METTL6: variants seen among roughly 807,000 people sequenced by gnomAD.
METTL6 encodes the protein tRNA N(3)-cytidine methyltransferase METTL6.
In METTL6, 22 loss-of-function variants were observed where a neutral mutation model predicts 26.4. The ratio of observed to expected loss-of-function variants is 0.83; its 90% CI spans 0.59 to 1.19. METTL6 has a LOEUF of 1.19. METTL6 is among the 50% of genes most tolerant of loss of function. METTL6 has a pLI of 0.00. For missense variants in METTL6, 304 were observed against 324.8 expected (o/e 0.94, Z 0.49); for synonymous variants, 109 against 116.2 (o/e 0.94, Z 0.40).
chr3:15,415,573 C>T, intron 4 of METTL6, 199 bp downstream of exon 4: 1 of 1,603,578 alleles, frequency 6.2e-7, no homozygotes, highest in Non-Finnish European at 8.5e-7. Flanking sequence ...CTCTGAAGAG[C>T]AGCCATGGCA....
At chr3:15,390,342 C>T (rs192254329) in intron 6 of METTL6, among the ~76,000 whole-genome samples, 109 of 152,142 alleles carry the variant, frequency 7.2e-4, no homozygotes, top group Non-Finnish European at 1.0e-3. Flanking sequence ...GCAGGAGAAT[C>T]GCTTGAACCT....
chr3:15,423,323 G>A (rs1442193553), intron 3 of METTL6, among the ~76,000 whole-genome samples: 1 of 152,180 alleles, frequency 6.6e-6, no homozygotes, highest in Non-Finnish European at 1.5e-5. Flanking sequence ...AACCCAGGAG[G>A]TGGAGGTTGC....
chr3:15,409,125 C>G (rs916397654), downstream of METTL6, among the ~76,000 whole-genome samples: 4 of 152,178 alleles, frequency 2.6e-5, no homozygotes, highest in African/African-American at 9.7e-5. Flanking sequence ...TCACAACACC[C>G]AGCACGCACA....
At chr3:15,409,688 C>G (rs186705611), downstream of METTL6, among the ~76,000 whole-genome samples, 8 of 152,168 alleles carry the variant, frequency 5.3e-5, no homozygotes, top group South Asian at 1.0e-3. Context: ...TCTCTCCCCC[C>G]CAGGGCAAAC....
At chr3:15,414,354 C>CT in intron 4 of METTL6, 192 bp from the exon 5 acceptor site, 1 of 1,293,842 alleles carries the variant, frequency 7.7e-7, no homozygotes, top group Non-Finnish European at 9.7e-7. Context: ...CACTAAGACA[C>CT]TTCTTTTTTT....
At chr3:15,416,962 A>G (rs1700232935) in intron 3 of METTL6, among the ~76,000 whole-genome samples, 1 of 152,254 alleles carries the variant, frequency 6.6e-6, no homozygotes, top group Admixed American at 6.5e-5. Context: ...GGGTGAATCT[A>G]ATTCATCATA....
At chr3:15,396,121 T>G (rs1428677029) in intron 6 of METTL6, among the ~76,000 whole-genome samples, 1 of 152,242 alleles carries the variant, frequency 6.6e-6, no homozygotes, top group African/African-American at 2.4e-5. Flanking sequence ...CCCCGTCACT[T>G]GCAGGTACAC....
chr3:15,408,312 G>A (rs1699856230), downstream of METTL6, among the ~76,000 whole-genome samples: 1 of 152,066 alleles, frequency 6.6e-6, no homozygotes, highest in African/African-American at 2.4e-5. Context: ...AAATACTTAT[G>A]ATTTGTGCAC....
At chr3:15,382,163 T>C (rs1352282649) in exon 7 of METTL6, 1 of 151,566 alleles carries the variant, frequency 6.6e-6, no homozygotes, top group Non-Finnish European at 1.5e-5. Context: ...TTATACTCCC[T>C]CTCACCCTCC....
intron 6 of METTL6, chr3:15,384,305 A>C (rs781641619): frequency 8.8e-6 from 2 of 225,998 alleles, no homozygotes; most frequent in Non-Finnish European, 9.1e-6. Context: ...GCAGCTTTTA[A>C]GCTCCGCATT....
chr3:15,426,217 G>C (rs551616481), intron 2 of METTL6, 70 bp downstream of exon 2: 4 of 1,467,970 alleles, frequency 2.7e-6, no homozygotes, highest in Middle Eastern at 2.2e-4. Context: ...GGGATTACAG[G>C]CATGAGCCAT....
At chr3:15,386,818 A>T (rs1170028841) in intron 6 of METTL6, among the ~76,000 whole-genome samples, 3 of 150,928 alleles carry the variant, frequency 2.0e-5, no homozygotes, top group African/African-American at 7.3e-5. Flanking sequence ...TTTGAGACAG[A>T]GTTTCACTCT....
In METTL6 at chr3:15,410,635, G is replaced by A. The variant is rs146906455; in HGVS notation, c.*621C>T. Among the ~76,000 whole-genome samples the A allele has an allele frequency of 7.4e-4, 113 of 152,192 alleles. No individual in the cohort carries two copies. The highest frequency in any genetic ancestry group is 2.3e-3 in the South Asian group (11 of 4,830). ...AATATCTTAAGAAAAGTAACTGACT[G>A]CAGTTGAAAACAGGTAATTGAAATT... is the stretch of plus-strand genomic sequence containing the variant. On this transcript the variant is annotated 3_prime_UTR_variant, in exon 6 of 6. Transcript: ENST00000383790.
At chr3:15,382,648 G>C (rs1164071684) in exon 7 of METTL6, 2 of 136,020 alleles carry the variant, frequency 1.5e-5, no homozygotes, top group Non-Finnish European at 3.1e-5. Context: ...CCTGGCAACA[G>C]AGGGAGACTT....
At chr3:15,408,291 G>A (rs1455792251), downstream of METTL6, among the ~76,000 whole-genome samples, 2 of 152,166 alleles carry the variant, frequency 1.3e-5, no homozygotes, top group Non-Finnish European at 2.9e-5. Flanking sequence ...ACTCTGTGAT[G>A]TCAGTGAGCT....
At chr3:15,415,554 C>G (rs1700166304) in intron 4 of METTL6, 2 of 1,600,266 alleles carry the variant, frequency 1.2e-6, no homozygotes, top group Non-Finnish European at 1.7e-6. Context: ...TGTCCCAGGG[C>G]TGGCGAAGCT....
At chr3:15,389,870 T>TTA (rs1553625003) in intron 6 of METTL6, among the ~76,000 whole-genome samples, 2 of 148,182 alleles carry the variant, frequency 1.3e-5, no homozygotes, top group Non-Finnish European at 3.0e-5. Context: ...TTTTTTTTTT[T>TTA]AAAGAGAAAG....
chr3:15,403,175 T>C (rs1467861562), intron 6 of METTL6, among the ~76,000 whole-genome samples: 1 of 152,214 alleles, frequency 6.6e-6, no homozygotes, highest in Non-Finnish European at 1.5e-5. Flanking sequence ...GGTCTCATTA[T>C]GTATCCCAGA....
chr3:15,407,287 T>C (rs1224522639), downstream of METTL6, among the ~76,000 whole-genome samples: 2 of 152,320 alleles, frequency 1.3e-5, no homozygotes, highest in East Asian at 1.9e-4. Context: ...CCCAAAGTGC[T>C]GGGATTACAA....
Sources: allele counts gnomAD v4.1 joint callset (sites outside exome capture counted in the v4.1 genomes callset), GRCh38; gene constraint gnomAD v4.1.1; transcripts MANE v1.5; gene names NCBI Gene and HGNC (gene_info 2026-07-23, HGNC 2026-07-21).